Variants in PUS10 observed in about 807,000 individuals in gnomAD.
PUS10 encodes tRNA pseudouridine synthase Pus10.
A neutral mutation model predicts 75.0 loss-of-function variants in PUS10; 59 were observed. The ratio of observed to expected loss-of-function variants is 0.79; its 90% CI spans 0.64 to 0.98. The LOEUF (loss-of-function observed/expected upper bound fraction) is 0.98, where lower values mean the gene tolerates loss of function less well. Among genes scored for constraint, PUS10 ranks in the 50% least tolerant of loss-of-function variants. The pLI is 0.00. For synonymous variants in PUS10, 219 were observed against 211.6 expected, an observed-to-expected ratio of 1.03 and a Z score of -0.30; for missense variants, 650 against 614.4, an observed-to-expected ratio of 1.06 and a Z score of -0.61.
At chr2:60,983,701 T>C (rs1274597216) in intron 4 of PUS10, among the ~76,000 whole-genome samples, 2 of 151,070 alleles carry the variant, frequency 1.3e-5, no homozygotes, top group Non-Finnish European at 3.0e-5. Flanking sequence ...TTAGATAAAG[T>C]GTACCTATCA....
At chr2:60,965,806 CAGAG>C (rs1676304970) in intron 6 of PUS10, 1 of 186,056 alleles carries the variant, frequency 5.4e-6, no homozygotes, top group South Asian at 1.3e-4. Context: ...TAAATAATAA[CAGAG>C]AGAAATGAAG....
At chr2:60,957,851 TC>T (rs1011680450) in intron 11 of PUS10, among the ~76,000 whole-genome samples, 28 of 152,368 alleles carry the variant, frequency 1.8e-4, no homozygotes, top group Non-Finnish European at 3.2e-4. Context: ...GAGGCAGGCT[TC>T]CAGCACAGCA....
chr2:60,985,938 C>CAAAAAAAAAAA (rs59173202), intron 4 of PUS10, among the ~76,000 whole-genome samples: 1 of 82,144 alleles, frequency 1.2e-5, no homozygotes, highest in Non-Finnish European at 2.4e-5. Flanking sequence ...CAGACTTCAC[C>CAAAAAAAAAAA]AAAAAAAAAA....
intron 4 of PUS10, among the ~76,000 whole-genome samples, chr2:61,006,049 C>T (rs957520690): frequency 6.6e-6 from 1 of 151,302 alleles, no homozygotes; most frequent in Non-Finnish European, 1.5e-5. Context: ...ACAGCAGTGA[C>T]TTTTTTTTTC....
intron 1 of PUS10, among the ~76,000 whole-genome samples, chr2:61,015,615 C>T (rs1679918741): frequency 1.3e-5 from 2 of 152,194 alleles, no homozygotes; most frequent in Admixed American, 1.3e-4. Flanking sequence ...AGGAGAATCG[C>T]CCGAACCCAG....
At chr2:61,003,541 T>C (rs916406939) in intron 4 of PUS10, among the ~76,000 whole-genome samples, 7 of 151,896 alleles carry the variant, frequency 4.6e-5, no homozygotes, top group African/African-American at 1.7e-4. Context: ...GCAAATTTTA[T>C]TGCTTAATTT....
intron 4 of PUS10, among the ~76,000 whole-genome samples, chr2:60,975,699 T>C (rs149679349): frequency 0.011 from 1,614 of 151,348 alleles, 16 homozygotes; most frequent in Non-Finnish European, 0.017. Flanking sequence ...AATGGTCTCC[T>C]AAAACTGAAA....
In PUS10 at chr2:61,009,237, A is replaced by G. The variant is rs377671729; in HGVS notation, c.127-222T>C. Among the ~76,000 whole-genome samples the G allele has an allele frequency of 5.3e-5, 8 of 152,342 alleles. No homozygotes were observed. In the South Asian group the frequency reaches 8.3e-4, roughly 16 times the overall value. ...CTATTATATATGTGAATACTTTTTC[A>G]AAAGAGTTCCATATATCAGTGAAGC... On this transcript the variant is annotated intron_variant, in intron 2 of 17. Transcript: ENST00000316752.
intron 4 of PUS10, among the ~76,000 whole-genome samples, chr2:60,985,663 G>A (rs1022499182): frequency 6.6e-6 from 1 of 152,060 alleles, no homozygotes; most frequent in Non-Finnish European, 1.5e-5. Context: ...ACCACAGCCA[G>A]CTAATTTTTG....
At chr2:61,016,142 G>A (rs893119403) in intron 1 of PUS10, among the ~76,000 whole-genome samples, 3 of 152,188 alleles carry the variant, frequency 2.0e-5, no homozygotes. Flanking sequence ...ATCATGCAAA[G>A]TAAATAAATG....
At chr2:60,956,747 A>G (rs9752697) in intron 11 of PUS10, among the ~76,000 whole-genome samples, 101,005 of 151,854 alleles carry the variant, frequency 0.67, 35,426 homozygotes, top group African/African-American at 0.89. Flanking sequence ...AGGCTAAGGC[A>G]GGTGGATCAC....
chr2:60,943,762 T>TTGTGTGTGTGTG (rs56232022), intron 17 of PUS10, among the ~76,000 whole-genome samples: 127 of 146,832 alleles, frequency 8.6e-4, no homozygotes, highest in African/African-American at 3.0e-3. Context: ...GATCACAATC[T>TTGTGTGTGTGTG]TGTGTGTGTG....
chr2:60,997,187 T>C (rs2104609522), intron 4 of PUS10, among the ~76,000 whole-genome samples: 1 of 152,326 alleles, frequency 6.6e-6, no homozygotes, highest in Admixed American at 6.5e-5. Flanking sequence ...GTTATAAAAA[T>C]GGCAGCCTGT....
chr2:60,971,799 CT>C (rs1676680564), intron 4 of PUS10, among the ~76,000 whole-genome samples: 1 of 151,804 alleles, frequency 6.6e-6, no homozygotes, highest in Admixed American at 6.6e-5. Flanking sequence ...GGGTATCCCC[CT>C]CCTCCTTACA....
At chr2:61,002,737 G>C (rs1678934807) in intron 4 of PUS10, among the ~76,000 whole-genome samples, 1 of 152,120 alleles carries the variant, frequency 6.6e-6, no homozygotes, top group East Asian at 1.9e-4. Context: ...CAAATGATAA[G>C]ACCAAACCCA....
At chr2:60,964,432 A>G (rs1320531702) in intron 8 of PUS10, among the ~76,000 whole-genome samples, 1 of 152,250 alleles carries the variant, frequency 6.6e-6, no homozygotes, top group African/African-American at 2.4e-5. Context: ...CTGATGCATG[A>G]AAGATGACCA....
chr2:60,941,109 G>A lies in PUS10; in HGVS notation c.*1286C>T, dbSNP rs2104030626. The A allele has an allele frequency of 6.6e-6, 1 of 152,292 alleles. No individual in the cohort carries two copies. The allele number at this position is 152,292 out of a possible 1,614,324, so 9.4% of individuals were successfully genotyped here. A position where few individuals can be genotyped will look rare whatever the true frequency, so the allele number is the denominator to read the frequency against. On this transcript the variant is annotated 3_prime_UTR_variant, in exon 18 of 18. Transcript: ENST00000316752. ...GCTCAAATAGTTGAATTAGGGTGAT[G>A]GAAATTATACTCAAATCTGAAATTG...
chr2:60,971,942 C>G (rs1405931330), intron 4 of PUS10, among the ~76,000 whole-genome samples: 1 of 142,956 alleles, frequency 7.0e-6, no homozygotes, highest in Non-Finnish European at 1.5e-5. Flanking sequence ...AGGATCTCAG[C>G]TCACTGCAAC....
intron 1 of PUS10, chr2:61,017,463 C>G (rs1367690883): frequency 1.7e-5 from 5 of 285,956 alleles, no homozygotes; most frequent in African/African-American, 1.1e-4. Context: ...CGGTGGGACT[C>G]CGACGTCTAG....
Sources: allele counts gnomAD v4.1 joint callset (sites outside exome capture counted in the v4.1 genomes callset), GRCh38; gene constraint gnomAD v4.1.1; transcripts MANE v1.5; gene names NCBI Gene and HGNC (gene_info 2026-07-23, HGNC 2026-07-21).